ITGAM: variants seen among roughly 807,000 people sequenced by gnomAD.
The protein encoded by ITGAM is integrin subunit alpha M.
Under a neutral mutation model 137.5 loss-of-function variants are expected in ITGAM, and 79 were observed. That is an observed-to-expected ratio of 0.57 (90% confidence interval 0.48 to 0.69). The LOEUF is 0.69. Ranked by LOEUF, ITGAM falls within the 30% of genes least tolerant of loss-of-function variation. The probability of loss-of-function intolerance (pLI) is 0.00; values close to 1 mark genes in which losing one functional copy is unlikely to be tolerated. For synonymous variants in ITGAM, 583 were observed against 592.3 expected, an observed-to-expected ratio of 0.98 and a Z score of 0.23; for missense variants, 1,343 against 1,483.5, an observed-to-expected ratio of 0.91 and a Z score of 1.56.
At chr16:31,313,289 G>A (rs1555469873) in intron 14 of ITGAM, among the ~76,000 whole-genome samples, 1 of 152,130 alleles carries the variant, frequency 6.6e-6, no homozygotes, top group Non-Finnish European at 1.5e-5. Flanking sequence ...AGGTATACAA[G>A]TGCCATGGTG....
At chr16:31,260,223 G>T (rs2079683808) in intron 1 of ITGAM, 131 bp downstream of exon 1, 2 of 709,148 alleles carry the variant, frequency 2.8e-6, no homozygotes, top group South Asian at 1.9e-5. Flanking sequence ...AAGGAGAAAG[G>T]GTTCAAGAAG....
At chr16:31,318,173 A>G (rs2080410986) in intron 14 of ITGAM, among the ~76,000 whole-genome samples, 1 of 152,122 alleles carries the variant, frequency 6.6e-6, no homozygotes, top group Admixed American at 6.6e-5. Context: ...GAATTTATCC[A>G]TTCCTTCAAG....
chr16:31,324,390 T>G lies in ITGAM; in HGVS notation c.2003-9T>G. 9 of 1,551,538 alleles carry G rather than the reference T, an allele frequency of 5.8e-6. No homozygotes were observed. The highest frequency in any genetic ancestry group is 7.8e-6 in the Non-Finnish European group (9 of 1,146,870). On this transcript the variant is annotated splice_polypyrimidine_tract_variant and intron_variant, in intron 16 of 29. Coordinates refer to ENST00000544665, the MANE Select transcript of ITGAM (RefSeq NM_000632.4). This position sits in a 1 kb window ranked among gnomAD's most constrained non-coding sequence, Gnocchi z 4.5. ...GGCCCCTCACTGCTGTGCCACCCTG[T>G]CCCTTCAGGACAGATCCAGAGTGTT... is the stretch of plus-strand genomic sequence containing the variant.
At chr16:31,274,905 C>T (rs1044902365) in intron 8 of ITGAM, among the ~76,000 whole-genome samples, 1 of 152,170 alleles carries the variant, frequency 6.6e-6, no homozygotes, top group Non-Finnish European at 1.5e-5. Context: ...AGGCATGAGC[C>T]ACTGCACCTG....
At chr16:31,328,775 T>G (rs1297307611) in intron 23 of ITGAM, among the ~76,000 whole-genome samples, 2 of 121,338 alleles carry the variant, frequency 1.6e-5, no homozygotes, top group South Asian at 2.4e-4. Context: ...CGTGTGCGCA[T>G]GGGTGTGTAT....
intron 7 of ITGAM, among the ~76,000 whole-genome samples, chr16:31,272,625 A>G (rs1185177193): frequency 1.3e-5 from 2 of 148,740 alleles, no homozygotes; most frequent in African/African-American, 2.5e-5. Context: ...CTGGGATTAC[A>G]TGCGTCCATC....
In ITGAM at chr16:31,297,797, G is replaced by T; in HGVS notation, c.1550G>T (p.Trp517Leu). The change falls in exon 14 of 30, where the codon TGG becomes TTG. Residue 517 changes from tryptophan to leucine, a missense_variant. Transcript: ENST00000544665. ...AVLYGEQGQPWGRFGAALTVL... is the reference protein window; with the variant it reads ...AVLYGEQGQPLGRFGAALTVL... ...CTCTACGGGGAGCAGGGCCAACCCTGGGGCCGCTTTGGGGCAGCCCTAACA... is the reference window on the plus strand; with the variant it reads ...CTCTACGGGGAGCAGGGCCAACCCTTGGGCCGCTTTGGGGCAGCCCTAACA... 2 of 1,608,826 alleles carry T rather than the reference G, an allele frequency of 1.2e-6. No homozygotes were observed. The highest frequency in any genetic ancestry group is 2.7e-5 in the African/African-American group (2 of 74,734).
In ITGAM at chr16:31,321,471, C is replaced by T. The variant is rs2080449908; in HGVS notation, c.1846C>T (p.Pro616Ser). Residue 616 changes from proline (P) to serine (S), a missense_variant, in exon 16 of 30, where the codon CCA becomes TCA. Physicochemically the swap from Pro to Ser is moderately conservative, Grantham distance 74. Transcript: ENST00000544665. ...TTTCTGGTGTCCCTTTAGGTCCCAGCCAGTACTGAGAGTCAAGGCAATCAT... is the reference window on the plus strand; with the variant it reads ...TTTCTGGTGTCCCTTTAGGTCCCAGTCAGTACTGAGAGTCAAGGCAATCAT... ...QGHVLLLRSQ[P>S]VLRVKAIMEF... 1 of 1,613,884 alleles carries T rather than the reference C, an allele frequency of 6.2e-7. No individual in the cohort carries two copies. The highest frequency in any genetic ancestry group is 1.6e-4 in the Middle Eastern group (1 of 6,062).
Position 31,324,318 on chromosome 16 carries a change from C to T in ITGAM, c.2003-81C>T, listed in dbSNP as rs1369429106. 2 of 1,187,822 alleles carry T rather than the reference C, an allele frequency of 1.7e-6. No individual in the cohort carries two copies. Among genetic ancestry groups the T allele is most frequent in the South Asian group, 1.3e-5 (1 of 74,392 alleles). 73.6% of individuals were successfully genotyped at this position (1,187,822 alleles called of 1,614,324 possible). On this transcript the variant is annotated intron_variant, in intron 16 of 29. Transcript: ENST00000544665. This position sits in a 1 kb window ranked among gnomAD's most constrained non-coding sequence, Gnocchi z 4.5. ...TACCCCAAGTCACACAGCTGAGAAG[C>T]AGAGGAGCTGGGCCTTGAACTCCCA...
chr16:31,268,450 C>T (rs1203862926), intron 5 of ITGAM, among the ~76,000 whole-genome samples: 1 of 152,118 alleles, frequency 6.6e-6, no homozygotes, highest in Non-Finnish European at 1.5e-5. Flanking sequence ...TTGTTTGAGG[C>T]CAGGAGTTTG....
chr16:31,324,831 C>G lies in ITGAM; in HGVS notation c.2289+49C>G. The G allele has an allele frequency of 6.4e-7, 1 of 1,554,828 alleles. No individual in the cohort carries two copies. The highest frequency in any genetic ancestry group is 1.4e-5 in the African/African-American group (1 of 72,862). ...CAGGGGTGTGGAAGAGACCAGAGACCAAGGTGGTTGAAACTCATTTTATTT... is the reference window on the plus strand; with the variant it reads ...CAGGGGTGTGGAAGAGACCAGAGACGAAGGTGGTTGAAACTCATTTTATTT... On this transcript the variant is annotated intron_variant, in intron 18 of 29. Coordinates refer to ENST00000544665, the MANE Select transcript of ITGAM (RefSeq NM_000632.4). This position sits in a 1 kb window ranked among gnomAD's most constrained non-coding sequence, Gnocchi z 4.5.
At position 31,318,706 on chromosome 16, in the gene ITGAM, C is replaced by T. The variant is rs188750441; in HGVS notation, c.1708-2535C>T. Among the ~76,000 whole-genome samples, 21 of 152,234 alleles carry T rather than the reference C, an allele frequency of 1.4e-4. 1 individual carries two copies. The East Asian group carries it at 3.9e-3, about 28-fold the overall frequency. ...AATTTCATTGATTTTTTTCTATTCT[C>T]TATTTGATTTATTTTTCTGTAATCT... is the stretch of plus-strand genomic sequence containing the variant. On this transcript the variant is annotated intron_variant, in intron 14 of 29. Transcript: ENST00000544665.
Position 31,321,225 on chromosome 16 carries a change from T to A in ITGAM, c.1708-16T>A. 1 of 1,613,626 alleles carries A rather than the reference T, an allele frequency of 6.2e-7. No homozygotes were observed. Among genetic ancestry groups the A allele is most frequent in the Admixed American group, 1.7e-5 (1 of 59,996 alleles). On this transcript the variant is annotated splice_polypyrimidine_tract_variant and intron_variant, in intron 14 of 29. Coordinates refer to ENST00000544665, the MANE Select transcript of ITGAM (RefSeq NM_000632.4). ...TCCTACCCCTTTCTCTCTCCACACC[T>A]CTTTTTTACCCTCAGCGGATAGCAG...
At chr16:31,290,064 A>G (rs940355419) in intron 12 of ITGAM, among the ~76,000 whole-genome samples, 1 of 146,564 alleles carries the variant, frequency 6.8e-6, no homozygotes, top group Non-Finnish European at 1.5e-5. Flanking sequence ...CTGGGCAACA[A>G]GTGTGAAACT....
chr16:31,316,249 A>G (rs556862703), intron 14 of ITGAM, among the ~76,000 whole-genome samples: 30 of 133,734 alleles, frequency 2.2e-4, no homozygotes, highest in African/African-American at 8.7e-4. Context: ...TTAGCCAGGC[A>G]TGGTGGTGGG....
intron 12 of ITGAM, among the ~76,000 whole-genome samples, chr16:31,284,427 T>C (rs2080005359): frequency 1.3e-5 from 2 of 152,160 alleles, no homozygotes; most frequent in Non-Finnish European, 2.9e-5. Context: ...TCAGCAATGG[T>C]GGACGCCCCT....
At chr16:31,305,641 T>C (rs1465177434) in intron 14 of ITGAM, among the ~76,000 whole-genome samples, 1 of 152,168 alleles carries the variant, frequency 6.6e-6, no homozygotes, top group Non-Finnish European at 1.5e-5. Context: ...CTTCTATGTC[T>C]AATTTATTGA....
At chr16:31,312,957 T>C (rs962283123) in intron 14 of ITGAM, among the ~76,000 whole-genome samples, 4 of 151,540 alleles carry the variant, frequency 2.6e-5, no homozygotes, top group Non-Finnish European at 4.4e-5. Flanking sequence ...CAGTGGCTCA[T>C]GCCTGTAATC....
In ITGAM at chr16:31,331,188, C is replaced by T. The variant is rs746408696; in HGVS notation, c.3300C>T (p.Phe1100=). The change falls in exon 29 of 30, where the codon TTC becomes TTT. Residue 1100 remains phenylalanine, a synonymous_variant. Transcript: ENST00000544665. ...RSQTETKVEP[F]EVPNPLPLIV... ...AGACGGAGACCAAAGTGGAGCCGTT[C>T]GAGGTCCCCAACCCCCTGCCGCTCA... 6.8e-6 allele frequency: 11 copies of T among 1,611,980 alleles called. No individual in the cohort carries two copies. Among genetic ancestry groups the T allele is most frequent in the South Asian group, 2.2e-5 (2 of 90,970 alleles).
Sources: gnomAD v4.1 joint callset for allele counts (sites outside exome capture counted in the v4.1 genomes callset) on GRCh38, gnomAD v4.1.1 for gene constraint, Gnocchi (gnomAD v3.1) non-coding constraint, MANE v1.5 for transcripts, NCBI Gene and HGNC (gene_info 2026-07-23, HGNC 2026-07-21) for gene names.